Variants in FAM240C observed in about 807,000 individuals in gnomAD.
FAM240C encodes the protein protein FAM240C.
FAM240C carries 14 observed loss-of-function variants against 10.0 expected under a neutral mutation model. That is an observed-to-expected ratio of 1.40 (90% CI 0.92 to 2.19). FAM240C has a LOEUF of 2.19. Ranked by LOEUF, FAM240C falls within the 30% of genes most tolerant of loss-of-function variation. FAM240C has a pLI of 0.00. For synonymous variants in FAM240C, 49 were observed against 44.3 expected, an observed-to-expected ratio of 1.11 and a Z score of -0.42; for missense variants, 154 against 122.3, an observed-to-expected ratio of 1.26 and a Z score of -1.22.
intron 2 of FAM240C, 141 bp downstream of exon 2, chr2:241,897,045 C>A: frequency 1.1e-6 from 1 of 882,308 alleles, no homozygotes. Flanking sequence ...TGACTCCTTT[C>A]ACAGGCCTGG....
At chr2:241,895,734 G>C (rs993690997) in intron 2 of FAM240C, among the ~76,000 whole-genome samples, 5 of 152,166 alleles carry the variant, frequency 3.3e-5, no homozygotes, top group African/African-American at 1.2e-4. Flanking sequence ...TGCCTGCCTT[G>C]GACACCAACC....
rs996446514 is a variant in FAM240C at position 241,897,247 on chromosome 2, C to T, written c.100G>A (p.Glu34Lys). The change falls in exon 2 of 3, where the codon GAG becomes AAG. Residue 34 changes from glutamate to lysine, a missense_variant. Glu to Lys is a moderately conservative substitution (Grantham distance 56). Transcript: ENST00000404031. Reference sequence around the variant, plus strand: ...TTCTGCAGGTGTCTTGCGTGATGCTCGATTTTTTTCTCCCAAAACATCTTT... The same window carrying T: ...TTCTGCAGGTGTCTTGCGTGATGCTTGATTTTTTTCTCCCAAAACATCTTT... ...GIKMFWEKKI[E>K]HHARHLQNED... 7.1e-6 allele frequency: 11 copies of T among 1,549,778 alleles called. No homozygotes were observed. The highest frequency in any genetic ancestry group is 2.7e-5 in the African/African-American group (2 of 72,952).
intron 2 of FAM240C, among the ~76,000 whole-genome samples, chr2:241,896,558 T>A (rs1369935114): frequency 0.011 from 1,145 of 102,370 alleles, 2 homozygotes; most frequent in East Asian, 0.015. Flanking sequence ...GGTGTGTGTG[T>A]TGGGGTGTGG....
chr2:241,899,918 T>C (rs1159141876), intron 1 of FAM240C, among the ~76,000 whole-genome samples: 1 of 151,896 alleles, frequency 6.6e-6, no homozygotes, highest in Non-Finnish European at 1.5e-5. Context: ...ATACAAAAAA[T>C]TAGCCGGGCG....
chr2:241,896,600 AAGGGG>A (rs1701818096), intron 2 of FAM240C, among the ~76,000 whole-genome samples: 1 of 3,140 alleles, frequency 3.2e-4, no homozygotes, highest in Non-Finnish European at 7.1e-4. Flanking sequence ...GGTGTGGGTG[AAGGGG>A]TGTGGGTGTG....
At chr2:241,896,503 G>GGGGTGTGGGTGTT (rs1553629152) in intron 2 of FAM240C, among the ~76,000 whole-genome samples, 1 of 28,616 alleles carries the variant, frequency 3.5e-5, no homozygotes. Context: ...TGTGGGTGAA[G>GGGGTGTGGGTGTT]GGGGTGTGGG....
At chr2:241,897,607 C>G (rs1480201608) in intron 1 of FAM240C, among the ~76,000 whole-genome samples, 2 of 152,206 alleles carry the variant, frequency 1.3e-5, no homozygotes, top group East Asian at 3.8e-4. Context: ...CCATTTTGGG[C>G]TTTTAGTCAT....
At chr2:241,896,488 GGGGGTGTGGGTGAAGGGGGTGTGGGTGTT>G (rs1701807845) in intron 2 of FAM240C, among the ~76,000 whole-genome samples, 1 of 55,346 alleles carries the variant, frequency 1.8e-5, no homozygotes, top group African/African-American at 6.2e-5. Context: ...GGCGGGGGAA[GGGGGTGTGGGTGAAGGGGGTGTGGGTGTT>G]GGGGTGTGGG....
At chr2:241,899,168 A>G (rs1437338904) in intron 1 of FAM240C, 23 of 1,304,066 alleles carry the variant, frequency 1.8e-5, no homozygotes, top group Non-Finnish European at 2.2e-5. Flanking sequence ...TCAGGTTGCA[A>G]TGAACAGGTG....
chr2:241,900,131 G>A lies in FAM240C; in HGVS notation c.12+227C>T, dbSNP rs569797184. On this transcript the variant is annotated intron_variant, in intron 1 of 2. Transcript: ENST00000404031. This position sits in a 1 kb window ranked among gnomAD's most constrained non-coding sequence, Gnocchi z 4.5. ...CAACAACAGACACACAAAGGGGTGC[G>A]TGTTGTGAGGCAGGTGATGGAGACA... Among the ~76,000 whole-genome samples, 4 of 152,268 alleles carry A rather than the reference G, an allele frequency of 2.6e-5. No homozygotes were observed. The highest frequency in any genetic ancestry group is 4.1e-4 in the South Asian group (2 of 4,822).
At chr2:241,896,481 G>A (rs1219132571) in intron 2 of FAM240C, among the ~76,000 whole-genome samples, 1 of 116,324 alleles carries the variant, frequency 8.6e-6, no homozygotes, top group African/African-American at 3.4e-5. Context: ...GGGAGATGGC[G>A]GGGGAAGGGG....
At chr2:241,894,787 C>T (rs564712280) in intron 2 of FAM240C, among the ~76,000 whole-genome samples, 7 of 152,318 alleles carry the variant, frequency 4.6e-5, no homozygotes, top group African/African-American at 9.6e-5. Flanking sequence ...GCCTAGGGCC[C>T]GCCTGCCTCC....
At chr2:241,896,635 G>T (rs1415957674) in intron 2 of FAM240C, among the ~76,000 whole-genome samples, 5 of 94,732 alleles carry the variant, frequency 5.3e-5, no homozygotes, top group Non-Finnish European at 8.8e-5. Flanking sequence ...GTGTTGGGGT[G>T]TGGGTGAAGG....
chr2:241,896,517 T>TG (rs1269487533), intron 2 of FAM240C, among the ~76,000 whole-genome samples: 497 of 69,250 alleles, frequency 7.2e-3, no homozygotes, highest in African/African-American at 0.041. Context: ...GTGTGGGTGT[T>TG]GGGGTGTGGG....
chr2:241,895,639 G>A (rs1231460575), intron 2 of FAM240C, among the ~76,000 whole-genome samples: 1 of 152,218 alleles, frequency 6.6e-6, no homozygotes, highest in Non-Finnish European at 1.5e-5. Flanking sequence ...GGTTGGCCTC[G>A]TGGCCTGGGG....
At chr2:241,899,397 C>CACAGG in intron 1 of FAM240C, 1 of 939,560 alleles carries the variant, frequency 1.1e-6, no homozygotes. Flanking sequence ...CTGAACTCAG[C>CACAGG]CACGCCTGCC....
chr2:241,895,876 C>T (rs553068969), intron 2 of FAM240C, among the ~76,000 whole-genome samples: 31 of 151,502 alleles, frequency 2.0e-4, no homozygotes, highest in African/African-American at 5.8e-4. Flanking sequence ...CGCAGAGGCA[C>T]GCGGAGGCAC....
chr2:241,899,126 G>GGA, intron 1 of FAM240C: 1 of 1,304,228 alleles, frequency 7.7e-7, no homozygotes, highest in Non-Finnish European at 1.0e-6. Flanking sequence ...TGCTTCAGGT[G>GGA]GAGAGGGTAA....
upstream of FAM240C, among the ~76,000 whole-genome samples, chr2:241,900,656 G>C (rs879566606): frequency 1.3e-5 from 2 of 152,058 alleles, no homozygotes; most frequent in Non-Finnish European, 1.5e-5. The surrounding 1 kb of genome is among the most constrained non-coding windows in gnomAD (Gnocchi z 4.5). Context: ...TTCTTCTTTC[G>C]ACGGCTGCTC....
Sources: gnomAD v4.1 joint callset for allele counts (sites outside exome capture counted in the v4.1 genomes callset) on GRCh38, gnomAD v4.1.1 for gene constraint, Gnocchi (gnomAD v3.1) non-coding constraint, MANE v1.5 for transcripts, NCBI Gene and HGNC (gene_info 2026-07-23, HGNC 2026-07-21) for gene names.